The following RANBP17 variants were observed in gnomAD, a reference collection of about 807,000 sequenced individuals.
RANBP17 encodes the protein RAN binding protein 17.
RANBP17 carries 158 observed loss-of-function variants against 141.2 expected under a neutral mutation model. The observed-to-expected ratio is 1.12, with a 90% CI of 0.98 to 1.28. RANBP17 has a LOEUF of 1.28. RANBP17 is among the 50% of genes most tolerant of loss of function. RANBP17 has a pLI of 0.00. For missense variants in RANBP17, 1,438 were observed against 1,290.7 expected, an observed-to-expected ratio of 1.11 and a Z score of -1.75; for synonymous variants, 430 against 450.0, an observed-to-expected ratio of 0.96 and a Z score of 0.56.
intron 24 of RANBP17, among the ~76,000 whole-genome samples, chr5:171,257,754 C>T (rs540173379): frequency 2.2e-4 from 33 of 152,010 alleles, no homozygotes; most frequent in African/African-American, 7.0e-4. Context: ...TTCTATATAC[C>T]AATAATGATC....
chr5:170,864,737 A>G (rs1767095525), intron 1 of RANBP17, among the ~76,000 whole-genome samples: 2 of 152,188 alleles, frequency 1.3e-5, no homozygotes, highest in Non-Finnish European at 2.9e-5. Context: ...ACTGTTTAAG[A>G]AGCAGGAAAT....
intron 18 of RANBP17, among the ~76,000 whole-genome samples, chr5:171,189,013 A>G (rs1180525164): frequency 1.3e-5 from 2 of 152,204 alleles, no homozygotes; most frequent in African/African-American, 2.4e-5. Context: ...ATTCCTTTGA[A>G]ATACTTAACC....
intron 25 of RANBP17, chr5:171,271,133 T>C (rs1428009212): frequency 6.9e-6 from 1 of 144,660 alleles, no homozygotes; most frequent in Admixed American, 7.6e-5. Flanking sequence ...ACATGGCATT[T>C]AACTACAAAT....
At chr5:170,970,186 T>G (rs953198451) in intron 14 of RANBP17, among the ~76,000 whole-genome samples, 1 of 151,868 alleles carries the variant, frequency 6.6e-6, no homozygotes, top group African/African-American at 2.4e-5. Flanking sequence ...TACAATTTTT[T>G]TAGCAACCAA....
intron 24 of RANBP17, among the ~76,000 whole-genome samples, chr5:171,250,212 G>A (rs1277648266): frequency 1.3e-5 from 2 of 152,182 alleles, no homozygotes; most frequent in Non-Finnish European, 2.9e-5. Flanking sequence ...CAAATGCTAA[G>A]GGAATTTGTT....
At chr5:170,933,900 G>A (rs191064324) in intron 12 of RANBP17, among the ~76,000 whole-genome samples, 4,395 of 152,200 alleles carry the variant, frequency 0.029, 211 homozygotes, top group African/African-American at 0.098. Flanking sequence ...GTTGATTTGG[G>A]GTGGAGCGTT....
At chr5:171,137,948 G>GAGAT (rs1757427745) in intron 14 of RANBP17, among the ~76,000 whole-genome samples, 1 of 82,588 alleles carries the variant, frequency 1.2e-5, no homozygotes, top group Admixed American at 1.3e-4. Context: ...TGTGATATAT[G>GAGAT]AGATATATAT....
intron 14 of RANBP17, among the ~76,000 whole-genome samples, chr5:171,083,183 G>T (rs182166144): frequency 3.0e-4 from 46 of 152,214 alleles, no homozygotes; most frequent in Non-Finnish European, 5.9e-4. Context: ...ATATTTGTGT[G>T]CCCTCAACAT....
At chr5:171,034,000 T>C (rs374988945) in intron 14 of RANBP17, among the ~76,000 whole-genome samples, 2 of 152,250 alleles carry the variant, frequency 1.3e-5, no homozygotes, top group South Asian at 4.1e-4. Flanking sequence ...TAGTCTCAGC[T>C]TCTCAGGAGA....
intron 4 of RANBP17, among the ~76,000 whole-genome samples, chr5:170,895,847 A>T (rs1260958080): frequency 2.0e-5 from 3 of 152,210 alleles, no homozygotes; most frequent in Non-Finnish European, 4.4e-5. Flanking sequence ...ATCCAAATTT[A>T]TCTTTCAAAA....
At chr5:171,055,886 AAAAAAAAAAAC>A (rs1387242158) in intron 14 of RANBP17, among the ~76,000 whole-genome samples, 60 of 136,918 alleles carry the variant, frequency 4.4e-4, no homozygotes, top group Non-Finnish European at 6.8e-4. Flanking sequence ...TTGCCAAAAA[AAAAAAAAAAAC>A]AAAAAAAAAA....
chr5:171,033,358 G>A (rs1353717527), intron 14 of RANBP17, among the ~76,000 whole-genome samples: 1 of 152,168 alleles, frequency 6.6e-6, no homozygotes, highest in Non-Finnish European at 1.5e-5. Flanking sequence ...TCTAGGGCCT[G>A]ATTGTAAAAG....
At chr5:171,021,438 A>G (rs1780849675) in intron 14 of RANBP17, among the ~76,000 whole-genome samples, 1 of 152,134 alleles carries the variant, frequency 6.6e-6, no homozygotes, top group African/African-American at 2.4e-5. Context: ...CTTTTCTCAT[A>G]GTCCCATATT....
rs143413352 is a variant in RANBP17 at position 170,878,191 on chromosome 5, T to C, written c.113T>C (p.Ile38Thr). ...GCTGAGAAAGCACTCTTGGAACTTA[T>C]TGACAGTCCAGAATGTCTCAGCAAG... ...IEAEKALLEL[I>T]DSPECLSKCQ... Residue 38 changes from isoleucine to threonine, a missense_variant, in exon 2 of 28, where the codon ATT (isoleucine) becomes ACT (threonine). Transcript: ENST00000523189. 3.9e-5 allele frequency: 63 copies of C among 1,613,220 alleles called. No individual in the cohort carries two copies. The highest frequency in any genetic ancestry group is 3.5e-4 in the African/African-American group (26 of 75,048).
intron 18 of RANBP17, among the ~76,000 whole-genome samples, chr5:171,193,239 A>G (rs943693570): frequency 2.0e-5 from 3 of 152,228 alleles, no homozygotes; most frequent in Non-Finnish European, 2.9e-5. Flanking sequence ...AAACATTCTA[A>G]TTGCATCCTA....
At position 171,299,838 on chromosome 5, in the gene RANBP17, C is replaced by G; in HGVS notation, c.*980C>G. The stretch of plus-strand genomic sequence containing the variant: ...GAAGAAGACCTTTACAGTTTGTGCT[C>G]TACTGTTACTAGGCTATTAATTTGA... On this transcript the variant is annotated 3_prime_UTR_variant, in exon 28 of 28. Coordinates refer to ENST00000523189, the MANE Select transcript of RANBP17 (RefSeq NM_022897.5). 1 of 220,428 alleles carries G rather than the reference C, an allele frequency of 4.5e-6. No individual in the cohort carries two copies. The allele number at this position is 220,428 out of a possible 1,614,324, so 13.7% of individuals were successfully genotyped here. A position where few individuals can be genotyped will look rare whatever the true frequency, so the allele number is the denominator to read the frequency against.
intron 24 of RANBP17, among the ~76,000 whole-genome samples, chr5:171,251,225 A>C (rs1429145888): frequency 6.6e-6 from 1 of 151,910 alleles, no homozygotes; most frequent in African/African-American, 2.4e-5. Context: ...AGTAGCTGGG[A>C]CTACAGGCAT....
intron 24 of RANBP17, among the ~76,000 whole-genome samples, chr5:171,251,115 G>A (rs760313856): frequency 4.6e-5 from 7 of 152,144 alleles, no homozygotes; most frequent in Non-Finnish European, 8.8e-5. Context: ...TAGAGACAGG[G>A]TCTCACTCTG....
intron 14 of RANBP17, among the ~76,000 whole-genome samples, chr5:171,109,385 G>A (rs1755061417): frequency 6.6e-6 from 1 of 152,128 alleles, no homozygotes; most frequent in African/African-American, 2.4e-5. Context: ...AATCAAATAT[G>A]CCTTAGAAGT....
Sources: allele counts gnomAD v4.1 joint callset (sites outside exome capture counted in the v4.1 genomes callset), GRCh38; gene constraint gnomAD v4.1.1; transcripts MANE v1.5; gene names NCBI Gene and HGNC (gene_info 2026-07-23, HGNC 2026-07-21).